The following BTN2A2 variants were observed in gnomAD, a reference collection of about 807,000 sequenced individuals.
BTN2A2 encodes the protein butyrophilin subfamily 2 member A2, also known as butyrophilin 2.
In BTN2A2, 29 loss-of-function variants were observed where a neutral mutation model predicts 34.7. That is an observed-to-expected ratio of 0.84 (90% CI 0.62 to 1.14). The LOEUF (loss-of-function observed/expected upper bound fraction) is 1.14, where lower values mean the gene tolerates loss of function less well. Ranked by LOEUF, BTN2A2 falls within the 50% of genes most tolerant of loss-of-function variation. BTN2A2 has a pLI of 0.00. For missense variants in BTN2A2, 612 were observed against 651.5 expected (o/e 0.94, Z 0.66); for synonymous variants, 240 against 253.1 (o/e 0.95, Z 0.49).
chr6:26,386,456 C>T (rs1032359325), intron 3 of BTN2A2, among the ~76,000 whole-genome samples: 1 of 152,194 alleles, frequency 6.6e-6, no homozygotes, highest in African/African-American at 2.4e-5. Context: ...TCCCAGGGGG[C>T]CCCAAATCAT....
chr6:26,383,695 C>T lies in BTN2A2; in HGVS notation c.-30-97C>T. ...TGCAAGCGACTCCCAGAAGTTGGGG[C>T]ACCGATGAGACCTACTTGAGTGACA... On this transcript the variant is annotated intron_variant, in intron 1 of 7. Transcript: ENST00000356709. The surrounding 1 kb of genome is among the most constrained non-coding windows in gnomAD (Gnocchi z 4.4). 1 of 885,294 alleles carries T rather than the reference C, an allele frequency of 1.1e-6. No homozygotes were observed. The highest frequency in any genetic ancestry group is 1.5e-5 in the South Asian group (1 of 66,374). The allele number at this position is 885,294 out of a possible 1,614,324, so 54.8% of individuals were successfully genotyped here. A position where few individuals can be genotyped will look rare whatever the true frequency, so the allele number is the denominator to read the frequency against.
chr6:26,386,136 T>C (rs757202218), intron 3 of BTN2A2, among the ~76,000 whole-genome samples: 2 of 152,200 alleles, frequency 1.3e-5, no homozygotes, highest in African/African-American at 2.4e-5. Flanking sequence ...TATAAATAGA[T>C]GATTTTTATT....
intron 7 of BTN2A2, chr6:26,391,791 G>C (rs980680052): frequency 1.2e-5 from 2 of 160,360 alleles, no homozygotes; most frequent in Non-Finnish European, 2.7e-5. Flanking sequence ...TCAGGCACCA[G>C]GTTTTCTTTT....
At position 26,392,457 on chromosome 6, in the gene BTN2A2, CA is replaced by C. The variant is rs1256561122; in HGVS notation, c.1063del (p.Arg355GlyfsTer37). ...DRRSVRRGPY[R>X]QRVPDNPERF... ...GGAGAAGTGTGAGGCGGGGCCCCTACAGGCAGAGAGTGCCTGACAACCCAGA... is the reference window on the plus strand; with the variant it reads ...GGAGAAGTGTGAGGCGGGGCCCCTACGGCAGAGAGTGCCTGACAACCCAGA... On this transcript the variant is annotated frameshift_variant, in exon 8 of 8. Transcript: ENST00000356709. LOFTEE classifies it low-confidence loss of function (END_TRUNC). 3 of 1,614,138 alleles carry C rather than the reference CA, an allele frequency of 1.9e-6. No homozygotes were observed. The Admixed American group carries it at 5.0e-5, about 27-fold the overall frequency.
In BTN2A2 at chr6:26,394,487, G is replaced by A. The variant is rs1026654476; in HGVS notation, c.*1520G>A. On this transcript the variant is annotated 3_prime_UTR_variant, in exon 8 of 8. Transcript: ENST00000356709. ...AAATTCTTCTCTCCTCTGGAGCTGA[G>A]ACACTCTTCTTCTTCTGCCCTTGGA... 1 of 573,324 alleles carries A rather than the reference G, an allele frequency of 1.7e-6. No individual in the cohort carries two copies. Among genetic ancestry groups the A allele is most frequent in the African/African-American group, 1.9e-5 (1 of 53,380 alleles). 35.5% of individuals were successfully genotyped at this position (573,324 alleles called of 1,614,324 possible). A position where few individuals can be genotyped will look rare whatever the true frequency, so the allele number is the denominator to read the frequency against.
At position 26,392,841 on chromosome 6, in the gene BTN2A2, C is replaced by T. The variant is rs774262179; in HGVS notation, c.1446C>T (p.Pro482=). 23 of 1,614,076 alleles carry T rather than the reference C, an allele frequency of 1.4e-5. No homozygotes were observed. Among genetic ancestry groups the T allele is most frequent in the Non-Finnish European group, 1.9e-5 (22 of 1,180,046 alleles). ...PRSAFTVPVR[P]FFRLGSDDSP... The stretch of plus-strand genomic sequence containing the variant: ...CAGCCTTTACTGTGCCTGTGAGGCC[C>T]TTCTTCAGGTTAGGGTCTGATGACA... Residue 482 remains proline, a synonymous_variant, in exon 8 of 8, where the codon CCC becomes CCT. Coordinates refer to ENST00000356709, the MANE Select transcript of BTN2A2 (RefSeq NM_006995.5).
chr6:26,388,257 G>A lies in BTN2A2; in HGVS notation c.687G>A (p.Leu229=). The A allele has an allele frequency of 6.2e-7, 1 of 1,614,168 alleles. No individual in the cohort carries two copies. Among genetic ancestry groups the A allele is most frequent in the South Asian group, 1.1e-5 (1 of 91,080 alleles). ...TGTCCTGCTCTGTCAACAACACCCT[G>A]CTCGGCCAGGAGAAGGAAACTGTCA... ...RNVSCSVNNT[L]LGQEKETVIF... The change falls in exon 4 of 8, where the codon CTG becomes CTA. Residue 229 remains leucine (L), a synonymous_variant. Coordinates refer to ENST00000356709, the MANE Select transcript of BTN2A2 (RefSeq NM_006995.5).
Position 26,393,703 on chromosome 6 carries a change from C to A in BTN2A2, c.*736C>A, listed in dbSNP as rs191285742. ...GGTTTGAGGTCCTGGTCGAGCAGGGCAGTACTGGACCAGGTCTACGTCAGC... is the reference window on the plus strand; with the variant it reads ...GGTTTGAGGTCCTGGTCGAGCAGGGAAGTACTGGACCAGGTCTACGTCAGC... On this transcript the variant is annotated 3_prime_UTR_variant, in exon 8 of 8. Coordinates refer to ENST00000356709, the MANE Select transcript of BTN2A2 (RefSeq NM_006995.5). 46 of 989,846 alleles carry A rather than the reference C, an allele frequency of 4.6e-5. No individual in the cohort carries two copies. Among genetic ancestry groups the A allele is most frequent in the Middle Eastern group, 5.2e-4 (1 of 1,920 alleles). 61.3% of individuals were successfully genotyped at this position (989,846 alleles called of 1,614,324 possible). A position where few individuals can be genotyped will look rare whatever the true frequency, so the allele number is the denominator to read the frequency against.
rs748890110 is a variant in BTN2A2, at chr6:26,385,023, A to G, written c.103A>G (p.Thr35Ala). The change falls in exon 3 of 8, where the codon ACT becomes GCT. Residue 35 changes from threonine (T) to alanine (A), a missense_variant. Thr to Ala is a moderately conservative substitution (Grantham distance 58). Coordinates refer to ENST00000356709, the MANE Select transcript of BTN2A2 (RefSeq NM_006995.5). ...SLCALVSAQF[T>A]VVGPANPILA... ...CTGCCCTTGTTGAACAGCCCAGTTT[A>G]CTGTCGTGGGGCCAGCTAATCCCAT... The G allele has an allele frequency of 1.2e-6, 2 of 1,613,574 alleles. No homozygotes were observed. Among genetic ancestry groups the G allele is most frequent in the African/African-American group, 1.3e-5 (1 of 74,956 alleles).
chr6:26,388,744 A>G (rs1185143688), intron 4 of BTN2A2, among the ~76,000 whole-genome samples: 1 of 152,240 alleles, frequency 6.6e-6, no homozygotes. Context: ...AGCATTTCTT[A>G]TGTTTAAGAC....
intron 3 of BTN2A2, 23 bp from the exon 4 acceptor site, chr6:26,387,990 T>A: frequency 1.8e-5 from 28 of 1,596,200 alleles, no homozygotes; most frequent in Non-Finnish European, 2.4e-5. Flanking sequence ...GCCTTTTGGC[T>A]GAGCCCTGGT....
chr6:26,392,976 C>T lies in BTN2A2; in HGVS notation c.*9C>T, dbSNP rs377572514. The T allele has an allele frequency of 6.2e-7, 1 of 1,614,042 alleles. No individual in the cohort carries two copies. Among genetic ancestry groups the T allele is most frequent in the Non-Finnish European group, 8.5e-7 (1 of 1,179,978 alleles). ...CCCACCAGAGCCTATAGAATCAATTCCTTGGACTCACAGCCATGCAGATAA... is the reference window on the plus strand; with the variant it reads ...CCCACCAGAGCCTATAGAATCAATTTCTTGGACTCACAGCCATGCAGATAA... On this transcript the variant is annotated 3_prime_UTR_variant, in exon 8 of 8. Transcript: ENST00000356709.
chr6:26,385,415 A>C, intron 3 of BTN2A2, 53 bp downstream of exon 3: 7 of 1,529,550 alleles, frequency 4.6e-6, no homozygotes, highest in Non-Finnish European at 6.2e-6. Context: ...CTTTTGGGGA[A>C]AGTTTCTCCC....
Position 26,392,454 on chromosome 6 carries a change from C to G in BTN2A2, c.1059C>G (p.Pro353=). 1 of 1,614,230 alleles carries G rather than the reference C, an allele frequency of 6.2e-7. No individual in the cohort carries two copies. Among genetic ancestry groups the G allele is most frequent in the South Asian group, 1.1e-5 (1 of 91,084 alleles). ...ACCGGAGAAGTGTGAGGCGGGGCCC[C>G]TACAGGCAGAGAGTGCCTGACAACC... The part of the protein sequence containing the change: ...SEDRRSVRRG[P]YRQRVPDNPE... The change falls in exon 8 of 8, where the codon CCC becomes CCG. Residue 353 remains proline, a synonymous_variant. Transcript: ENST00000356709.
In BTN2A2 at chr6:26,383,790, A is replaced by C; in HGVS notation, c.-30-2A>C. On this transcript the variant is annotated splice_acceptor_variant, in intron 1 of 7. Coordinates refer to ENST00000356709, the MANE Select transcript of BTN2A2 (RefSeq NM_006995.5). LOFTEE classifies it low-confidence loss of function (5UTR_SPLICE). This position sits in a 1 kb window ranked among gnomAD's most constrained non-coding sequence, Gnocchi z 4.4. The stretch of plus-strand genomic sequence containing the variant: ...GCTGATTCTCCTCCTCTGTAACCCT[A>C]GGCCTCTGGTCTCTGCCTGCCCTGG... 6.2e-7 allele frequency: 1 copy of C among 1,602,058 alleles called. No homozygotes were observed. Among genetic ancestry groups the C allele is most frequent in the African/African-American group, 1.3e-5 (1 of 74,684 alleles).
At position 26,387,211 on chromosome 6, in the gene BTN2A2, G is replaced by C. The variant is rs111793144; in HGVS notation, c.443-802G>C. Among the ~76,000 whole-genome samples the C allele has an allele frequency of 4.6e-3, 697 of 152,326 alleles. 3 individuals are homozygous for C. The highest frequency in any genetic ancestry group is 0.015 in the African/African-American group (635 of 41,576). On this transcript the variant is annotated intron_variant, in intron 3 of 7. Coordinates refer to ENST00000356709, the MANE Select transcript of BTN2A2 (RefSeq NM_006995.5). ...ATCTTAAGGATCCCAGGGGCATCCA[G>C]ATATTTCTAATACATTGATGTTCTT...
At position 26,392,482 on chromosome 6, in the gene BTN2A2, G is replaced by A; in HGVS notation, c.1087G>A (p.Glu363Lys). 1 of 1,614,260 alleles carries A rather than the reference G, an allele frequency of 6.2e-7. No individual in the cohort carries two copies. The highest frequency in any genetic ancestry group is 8.5e-7 in the Non-Finnish European group (1 of 1,180,050). Reference protein sequence around the residue: ...PYRQRVPDNPERFDSQPCVLG... With the variant: ...PYRQRVPDNPKRFDSQPCVLG... ...CAGGCAGAGAGTGCCTGACAACCCA[G>A]AGAGATTCGACAGTCAGCCTTGTGT... is the stretch of plus-strand genomic sequence containing the variant. The change falls in exon 8 of 8, where the codon GAG (glutamate) becomes AAG (lysine). Residue 363 changes from glutamate (E) to lysine (K), a missense_variant. Physicochemically the swap from Glu to Lys is moderately conservative, Grantham distance 56 (BLOSUM62 1). Coordinates refer to ENST00000356709, the MANE Select transcript of BTN2A2 (RefSeq NM_006995.5).
At position 26,388,261 on chromosome 6, in the gene BTN2A2, G is replaced by T. The variant is rs373346354; in HGVS notation, c.691G>T (p.Gly231Cys). Residue 231 changes from glycine to cysteine, a missense_variant, in exon 4 of 8, where the codon GGC becomes TGC. Coordinates refer to ENST00000356709, the MANE Select transcript of BTN2A2 (RefSeq NM_006995.5). ...VSCSVNNTLL[G>C]QEKETVIFIP... ...CTGCTCTGTCAACAACACCCTGCTC[G>T]GCCAGGAGAAGGAAACTGTCATTTT... is the stretch of plus-strand genomic sequence containing the variant. 9.3e-6 allele frequency: 15 copies of T among 1,613,992 alleles called. No individual in the cohort carries two copies. The highest frequency in any genetic ancestry group is 1.3e-5 in the African/African-American group (1 of 74,896).
chr6:26,393,915 C>A lies in BTN2A2; in HGVS notation c.*948C>A. ...TTATGTTAAAATAGCATTAATAAAT[C>A]AGTTATAGGTTAATGTAGATAGGAT... On this transcript the variant is annotated 3_prime_UTR_variant, in exon 8 of 8. Transcript: ENST00000356709. The A allele has an allele frequency of 2.9e-6, 1 of 345,454 alleles. No homozygotes were observed. The highest frequency in any genetic ancestry group is 4.2e-6 in the Non-Finnish European group (1 of 238,790). 21.4% of individuals were successfully genotyped at this position (345,454 alleles called of 1,614,324 possible). A position where few individuals can be genotyped will look rare whatever the true frequency, so the allele number is the denominator to read the frequency against.
Sources: allele counts gnomAD v4.1 joint callset (sites outside exome capture counted in the v4.1 genomes callset), GRCh38; gene constraint gnomAD v4.1.1; non-coding constraint Gnocchi (gnomAD v3.1); transcripts MANE v1.5; gene names NCBI Gene and HGNC (gene_info 2026-07-23, HGNC 2026-07-21).